VPS13B: variants seen among roughly 807,000 people sequenced by gnomAD.
VPS13B encodes the protein vacuolar protein sorting 13 homolog B.
VPS13B carries 285 observed loss-of-function variants against 426.4 expected under a neutral mutation model. That is an observed-to-expected ratio of 0.67 (90% CI 0.61 to 0.74). The LOEUF (loss-of-function observed/expected upper bound fraction) is 0.74, where lower values mean the gene tolerates loss of function less well. Among genes scored for constraint, VPS13B ranks in the 30% least tolerant of loss-of-function variants. The pLI, the probability that VPS13B is intolerant of heterozygous loss-of-function variation, is 0.00. For missense variants in VPS13B, 4,537 were observed against 4,782.6 expected, an observed-to-expected ratio of 0.95 and a Z score of 1.51; for synonymous variants, 1,676 against 1,676.4, an observed-to-expected ratio of 1.00 and a Z score of 0.01.
chr8:99,563,114 G>C (rs545130081), intron 31 of VPS13B, among the ~76,000 whole-genome samples: 90 of 152,230 alleles, frequency 5.9e-4, no homozygotes, highest in Non-Finnish European at 1.1e-3. Context: ...ATTGCGCTAT[G>C]ATCATGTCAC....
intron 25 of VPS13B, among the ~76,000 whole-genome samples, chr8:99,494,942 TC>T (rs1316062923): frequency 6.6e-6 from 1 of 152,054 alleles, no homozygotes; most frequent in Non-Finnish European, 1.5e-5. Flanking sequence ...GTTTTTTTTT[TC>T]TATCTTAAAT....
At chr8:99,783,398 T>C (rs1481802893) in intron 42 of VPS13B, among the ~76,000 whole-genome samples, 3 of 152,232 alleles carry the variant, frequency 2.0e-5, no homozygotes, top group Non-Finnish European at 4.4e-5. Context: ...TTTCTTATAT[T>C]CTCAAGTTAA....
At chr8:99,275,278 C>G (rs202110270) in intron 19 of VPS13B, 24 bp downstream of exon 19, 1 of 1,513,598 alleles carries the variant, frequency 6.6e-7, no homozygotes. Flanking sequence ...TATCATTATT[C>G]CCTTGTTTTG....
chr8:99,098,362 A>G (rs920652253), intron 4 of VPS13B, among the ~76,000 whole-genome samples: 2 of 152,236 alleles, frequency 1.3e-5, no homozygotes, highest in South Asian at 4.1e-4. Flanking sequence ...ACACTCACAC[A>G]TATGCACACA....
intron 58 of VPS13B, among the ~76,000 whole-genome samples, chr8:99,865,425 C>G (rs1817049149): frequency 6.6e-6 from 1 of 152,214 alleles, no homozygotes; most frequent in Admixed American, 6.5e-5. Context: ...TCCCCAGAGA[C>G]CACCTCCTCT....
chr8:99,073,405 T>G (rs1844938341), intron 3 of VPS13B, among the ~76,000 whole-genome samples: 1 of 152,200 alleles, frequency 6.6e-6, no homozygotes, highest in Admixed American at 6.5e-5. Context: ...GTTTCTTTAA[T>G]GAGTGTTTCG....
At chr8:99,632,019 ATAT>A (rs1280052244) in intron 33 of VPS13B, among the ~76,000 whole-genome samples, 1 of 152,022 alleles carries the variant, frequency 6.6e-6, no homozygotes, top group Non-Finnish European at 1.5e-5. Context: ...TAACCAAATA[ATAT>A]TATCTTAGTG....
chr8:99,165,592 C>G (rs960677460), intron 15 of VPS13B, among the ~76,000 whole-genome samples: 3 of 152,172 alleles, frequency 2.0e-5, no homozygotes, highest in Admixed American at 6.5e-5. Context: ...GATGGAAACC[C>G]TTTGGATTCT....
intron 17 of VPS13B, among the ~76,000 whole-genome samples, chr8:99,246,814 C>T (rs1817243971): frequency 6.7e-6 from 1 of 149,074 alleles, no homozygotes; most frequent in Non-Finnish European, 1.5e-5. Context: ...CTCACCACTG[C>T]ACTCCAGCCT....
At chr8:99,706,893 C>T (rs748433017) in intron 36 of VPS13B, among the ~76,000 whole-genome samples, 6 of 152,100 alleles carry the variant, frequency 3.9e-5, no homozygotes, top group Non-Finnish European at 8.8e-5. Context: ...TTTGTGACAG[C>T]ATTTAGTGTT....
chr8:99,501,736 C>A lies in VPS13B; in HGVS notation c.3920C>A (p.Thr1307Asn). 2.5e-6 allele frequency: 4 copies of A among 1,613,940 alleles called. No homozygotes were observed. Among genetic ancestry groups the A allele is most frequent in the Non-Finnish European group, 3.4e-6 (4 of 1,179,986 alleles). ...GEESPFSDSV[T>N]LEQTTSNIGG... ...GAATCACCATTCTCAGATTCTGTGA[C>A]CTTGGAACAAACTACAAGTAATATT... Residue 1307 changes from threonine to asparagine, a missense_variant, in exon 26 of 62, where the codon ACC (threonine) becomes AAC (asparagine). Transcript: ENST00000357162.
At chr8:99,575,551 A>G (rs994672342) in intron 31 of VPS13B, 107 bp from the exon 32 acceptor site, 1 of 1,364,628 alleles carries the variant, frequency 7.3e-7, no homozygotes, top group African/African-American at 1.4e-5. Context: ...CAAAATAATA[A>G]TGTAATTTTG....
At chr8:99,781,746 C>A (rs1268769244) in intron 42 of VPS13B, among the ~76,000 whole-genome samples, 1 of 151,952 alleles carries the variant, frequency 6.6e-6, no homozygotes, top group Non-Finnish European at 1.5e-5. Flanking sequence ...TTTTTCTGCT[C>A]AAGCCCCATC....
At chr8:99,663,025 C>T (rs1830303195) in intron 35 of VPS13B, among the ~76,000 whole-genome samples, 2 of 152,080 alleles carry the variant, frequency 1.3e-5, no homozygotes, top group South Asian at 4.2e-4. Context: ...CCACTGCGCT[C>T]CAGCTTGGGC....
intron 36 of VPS13B, among the ~76,000 whole-genome samples, chr8:99,712,917 A>T (rs1832762300): frequency 1.3e-5 from 2 of 152,148 alleles, no homozygotes; most frequent in Admixed American, 1.3e-4. Flanking sequence ...TGGGGGGGTT[A>T]AGAAGAGCCT....
intron 4 of VPS13B, among the ~76,000 whole-genome samples, chr8:99,097,300 A>G (rs1846481249): frequency 6.6e-6 from 1 of 152,244 alleles, no homozygotes; most frequent in Non-Finnish European, 1.5e-5. Flanking sequence ...TTATTACAGA[A>G]AACGTGATCA....
intron 25 of VPS13B, among the ~76,000 whole-genome samples, chr8:99,496,286 T>C (rs1820878025): frequency 6.6e-6 from 1 of 152,190 alleles, no homozygotes. Flanking sequence ...GAACATTATA[T>C]AATTATACTC....
At chr8:99,243,735 G>C (rs1338082810) in intron 17 of VPS13B, among the ~76,000 whole-genome samples, 2 of 152,188 alleles carry the variant, frequency 1.3e-5, no homozygotes, top group Non-Finnish European at 2.9e-5. Flanking sequence ...CCTTTAGTAG[G>C]ATATCACTTC....
chr8:99,415,341 C>T (rs1194215303), intron 21 of VPS13B, among the ~76,000 whole-genome samples: 1 of 151,844 alleles, frequency 6.6e-6, no homozygotes, highest in African/African-American at 2.4e-5. Flanking sequence ...TCTTAGCTTC[C>T]TTGCATTTGG....
Sources: allele counts gnomAD v4.1 joint callset (sites outside exome capture counted in the v4.1 genomes callset), GRCh38; gene constraint gnomAD v4.1.1; transcripts MANE v1.5; gene names NCBI Gene and HGNC (gene_info 2026-07-23, HGNC 2026-07-21).